Variants in GRB2 observed in about 807,000 individuals in gnomAD.
GRB2 encodes growth factor receptor bound protein 2.
In GRB2, 2 loss-of-function variants were observed where a neutral mutation model predicts 27.4. The observed-to-expected ratio is 0.07, with a 90% CI of 0.03 to 0.23. The LOEUF is 0.23. GRB2 is among the 10% of genes least tolerant of loss of function. The pLI, the probability that GRB2 is intolerant of heterozygous loss-of-function variation, is 1.00. For synonymous variants in GRB2, 94 were observed against 99.6 expected, an observed-to-expected ratio of 0.94 and a Z score of 0.33; for missense variants, 102 against 282.4, an observed-to-expected ratio of 0.36 and a Z score of 4.58.
intron 1 of GRB2, among the ~76,000 whole-genome samples, chr17:75,401,170 G>C (rs1011115736): frequency 6.6e-6 from 1 of 152,072 alleles, no homozygotes; most frequent in African/African-American, 2.4e-5. Context: ...GCTAGGCCGG[G>C]CGCAGTGGCT....
intron 1 of GRB2, among the ~76,000 whole-genome samples, chr17:75,402,228 T>C (rs2079068393): frequency 6.6e-6 from 1 of 152,202 alleles, no homozygotes; most frequent in Non-Finnish European, 1.5e-5. Context: ...ATATGGGTAC[T>C]GGAAGTATAG....
chr17:75,388,728 G>A (rs9909076), intron 2 of GRB2, among the ~76,000 whole-genome samples: 1 of 151,682 alleles, frequency 6.6e-6, no homozygotes, highest in Non-Finnish European at 1.5e-5. Flanking sequence ...AGGCTTGCAC[G>A]AGCATGCCTG....
chr17:75,355,540 T>C (rs933673851), intron 2 of GRB2, among the ~76,000 whole-genome samples: 2 of 133,616 alleles, frequency 1.5e-5, no homozygotes, highest in Non-Finnish European at 1.6e-5. Context: ...CCCTGGGCCA[T>C]ACTGGAAAAA....
chr17:75,348,462 C>T (rs2078668193), intron 2 of GRB2, among the ~76,000 whole-genome samples: 1 of 152,156 alleles, frequency 6.6e-6, no homozygotes, highest in Non-Finnish European at 1.5e-5. Flanking sequence ...CTTTGAATTG[C>T]ACTTTAGATA....
At chr17:75,321,105 G>T (rs533504433) in intron 5 of GRB2, among the ~76,000 whole-genome samples, 1 of 151,792 alleles carries the variant, frequency 6.6e-6, no homozygotes, top group African/African-American at 2.4e-5. Flanking sequence ...TCCCTAGAGA[G>T]GCTGGCAAGC....
intron 2 of GRB2, among the ~76,000 whole-genome samples, chr17:75,393,175 C>T (rs2079009197): frequency 6.6e-6 from 1 of 152,132 alleles, no homozygotes; most frequent in African/African-American, 2.4e-5. Context: ...TAACTGAATG[C>T]TTTTACATAA....
At chr17:75,383,644 C>A (rs2078943989) in intron 2 of GRB2, among the ~76,000 whole-genome samples, 1 of 152,148 alleles carries the variant, frequency 6.6e-6, no homozygotes, top group Admixed American at 6.6e-5. Flanking sequence ...GAGTTCGAGA[C>A]CAGCCCGGCC....
intron 2 of GRB2, among the ~76,000 whole-genome samples, chr17:75,363,785 G>A (rs147645385): frequency 0.01 from 1,528 of 146,980 alleles, 11 homozygotes; most frequent in East Asian, 0.032. Context: ...GCGTGAACCC[G>A]GGAGGTGGAG....
At chr17:75,326,251 C>A (rs542315187) in intron 3 of GRB2, 146 of 541,054 alleles carry the variant, frequency 2.7e-4, no homozygotes, top group South Asian at 7.1e-4. Flanking sequence ...AGGCACTAAC[C>A]GTGGGTCACT....
chr17:75,402,792 T>TTG (rs1479509204), intron 1 of GRB2, among the ~76,000 whole-genome samples: 1 of 152,096 alleles, frequency 6.6e-6, no homozygotes, highest in African/African-American at 2.4e-5. Flanking sequence ...ATAATGCATA[T>TTG]TGGCCGGGCG....
chr17:75,380,106 T>C (rs1218016381), intron 2 of GRB2, among the ~76,000 whole-genome samples: 1 of 152,244 alleles, frequency 6.6e-6, no homozygotes, highest in Non-Finnish European at 1.5e-5. Flanking sequence ...TATTAGATTC[T>C]ACAAAATTTC....
At chr17:75,356,668 C>G (rs1485033305) in intron 2 of GRB2, among the ~76,000 whole-genome samples, 1 of 152,178 alleles carries the variant, frequency 6.6e-6, no homozygotes, top group Non-Finnish European at 1.5e-5. Flanking sequence ...GCTCGTACCA[C>G]TCTACTGAAA....
chr17:75,351,884 ACT>A (rs1467829643), intron 2 of GRB2, among the ~76,000 whole-genome samples: 5 of 152,108 alleles, frequency 3.3e-5, no homozygotes, highest in African/African-American at 9.7e-5. Context: ...TAAGTAGTAC[ACT>A]CTGACACATT....
chr17:75,393,674 A>T lies in GRB2; in HGVS notation c.-46T>A. The T allele has an allele frequency of 6.7e-7, 1 of 1,481,814 alleles. No homozygotes were observed. The highest frequency in any genetic ancestry group is 1.1e-5 in the South Asian group (1 of 88,438). The allele number at this position is 1,481,814 out of a possible 1,614,324, so 91.8% of individuals were successfully genotyped here. A position where few individuals can be genotyped will look rare whatever the true frequency, so the allele number is the denominator to read the frequency against. Reference sequence around the variant, plus strand: ...CAGCAGCCTGAAGCAGGGGGAAGGGAGTCTTCCCTGCTGAAGCAACCCAGC... The same window carrying T: ...CAGCAGCCTGAAGCAGGGGGAAGGGTGTCTTCCCTGCTGAAGCAACCCAGC... On this transcript the variant is annotated 5_prime_UTR_variant, in exon 2 of 6. Coordinates refer to ENST00000316804, the MANE Select transcript of GRB2 (RefSeq NM_002086.5).
intron 1 of GRB2, among the ~76,000 whole-genome samples, chr17:75,400,841 A>T (rs941241059): frequency 7.2e-5 from 11 of 152,162 alleles, no homozygotes; most frequent in African/African-American, 2.7e-4. Context: ...TCCACTTCCC[A>T]GATTTATCTC....
chr17:75,366,625 G>A (rs999442967), intron 2 of GRB2, among the ~76,000 whole-genome samples: 1 of 151,666 alleles, frequency 6.6e-6, no homozygotes, highest in Admixed American at 6.6e-5. Context: ...TGGGCAACAT[G>A]GCAAAACCCC....
At chr17:75,365,072 G>A (rs2078810755) in intron 2 of GRB2, among the ~76,000 whole-genome samples, 1 of 151,946 alleles carries the variant, frequency 6.6e-6, no homozygotes, top group African/African-American at 2.4e-5. Context: ...TCTTGTACTG[G>A]CCACCTTTAT....
chr17:75,392,867 AT>A (rs1361224448), intron 2 of GRB2, among the ~76,000 whole-genome samples: 2 of 152,230 alleles, frequency 1.3e-5, no homozygotes, highest in Admixed American at 6.5e-5. Context: ...TGCACATGGT[AT>A]AGAAGCTGAT....
intron 2 of GRB2, among the ~76,000 whole-genome samples, chr17:75,367,449 T>A (rs1310691929): frequency 1.3e-5 from 2 of 152,162 alleles, no homozygotes; most frequent in Non-Finnish European, 2.9e-5. Flanking sequence ...AGTGGTGGGA[T>A]TAGAGGCATG....
Sources: gnomAD v4.1 joint callset for allele counts (sites outside exome capture counted in the v4.1 genomes callset) on GRCh38, gnomAD v4.1.1 for gene constraint, MANE v1.5 for transcripts, NCBI Gene and HGNC (gene_info 2026-07-23, HGNC 2026-07-21) for gene names.